The following SNTG1 variants were observed in gnomAD, a reference collection of about 807,000 sequenced individuals.
SNTG1 encodes the protein syntrophin gamma 1, also known as gamma-1-syntrophin.
Under a neutral mutation model 74.7 loss-of-function variants are expected in SNTG1, and 39 were observed. The observed-to-expected ratio is 0.52, with a 90% CI of 0.40 to 0.68. The LOEUF is 0.68. Among genes scored for constraint, SNTG1 ranks in the 30% least tolerant of loss-of-function variants. The probability of loss-of-function intolerance (pLI) is 0.00; values close to 1 mark genes in which losing one functional copy is unlikely to be tolerated. For missense variants in SNTG1, 685 were observed against 609.5 expected, an observed-to-expected ratio of 1.12 and a Z score of -1.30; for synonymous variants, 254 against 217.1, an observed-to-expected ratio of 1.17 and a Z score of -1.49.
chr8:50,252,460 T>G (rs944249152), intron 2 of SNTG1, among the ~76,000 whole-genome samples: 1 of 152,026 alleles, frequency 6.6e-6, no homozygotes, highest in African/African-American at 2.4e-5. Flanking sequence ...AAACTCTTGG[T>G]TAGATTAACT....
chr8:50,396,542 A>T (rs1005304217), intron 3 of SNTG1, among the ~76,000 whole-genome samples: 3 of 152,238 alleles, frequency 2.0e-5, no homozygotes, highest in African/African-American at 7.2e-5. Flanking sequence ...CACTACTGCT[A>T]CAATGCAGTA....
At chr8:50,650,836 G>A (rs866086945) in intron 13 of SNTG1, among the ~76,000 whole-genome samples, 1 of 152,018 alleles carries the variant, frequency 6.6e-6, no homozygotes, top group African/African-American at 2.4e-5. Flanking sequence ...GAGCAGCTGG[G>A]ATTACAAGCA....
intron 1 of SNTG1, among the ~76,000 whole-genome samples, chr8:49,925,470 C>T (rs1451395768): frequency 1.3e-5 from 2 of 152,136 alleles, no homozygotes; most frequent in Admixed American, 1.3e-4. Context: ...GTCTGTCTGT[C>T]TGTCGCTGTG....
chr8:50,423,663 C>G (rs1438710281), intron 4 of SNTG1, among the ~76,000 whole-genome samples: 1 of 152,110 alleles, frequency 6.6e-6, no homozygotes, highest in African/African-American at 2.4e-5. Context: ...AGAAGGGTAG[C>G]TTTCAAATAA....
chr8:49,918,705 G>A (rs1441725522), intron 1 of SNTG1, among the ~76,000 whole-genome samples: 2 of 151,976 alleles, frequency 1.3e-5, no homozygotes, highest in African/African-American at 4.8e-5. Flanking sequence ...TTTGATATAT[G>A]GCAATTTTTT....
chr8:50,285,926 G>A (rs1295794093), intron 2 of SNTG1, among the ~76,000 whole-genome samples: 1 of 150,082 alleles, frequency 6.7e-6, no homozygotes, highest in Non-Finnish European at 1.5e-5. Flanking sequence ...AAGTAAATTT[G>A]TTTCATCAAT....
At chr8:50,056,239 T>G (rs1311263087) in intron 1 of SNTG1, among the ~76,000 whole-genome samples, 1 of 152,074 alleles carries the variant, frequency 6.6e-6, no homozygotes, top group African/African-American at 2.4e-5. Context: ...AGACAATATG[T>G]CCTACTATGT....
At chr8:50,776,395 T>TATATACCTA (rs2131807981) in intron 18 of SNTG1, among the ~76,000 whole-genome samples, 1 of 147,354 alleles carries the variant, frequency 6.8e-6, no homozygotes, top group Admixed American at 6.8e-5. Flanking sequence ...ATATTTTACA[T>TATATACCTA]TTTATAATAT....
intron 1 of SNTG1, among the ~76,000 whole-genome samples, chr8:49,947,624 C>T (rs376158244): frequency 8.5e-5 from 13 of 152,272 alleles, no homozygotes; most frequent in African/African-American, 3.1e-4. Context: ...CAAGGAGTGA[C>T]AATTGGTAAC....
At chr8:50,366,659 G>A (rs1173367531) in intron 2 of SNTG1, among the ~76,000 whole-genome samples, 1 of 146,036 alleles carries the variant, frequency 6.8e-6, no homozygotes, top group Admixed American at 6.9e-5. Context: ...ATATTATTTT[G>A]TAATAATATA....
chr8:49,958,130 G>A (rs1244474325), intron 1 of SNTG1, among the ~76,000 whole-genome samples: 1 of 152,076 alleles, frequency 6.6e-6, no homozygotes, highest in African/African-American at 2.4e-5. Flanking sequence ...ATGAAGGTAG[G>A]TGAGAGAGAA....
At chr8:50,514,341 T>A (rs1187436350) in intron 9 of SNTG1, among the ~76,000 whole-genome samples, 4 of 152,182 alleles carry the variant, frequency 2.6e-5, no homozygotes, top group Non-Finnish European at 5.9e-5. Context: ...ACATAATGCT[T>A]TAAAATACAT....
intron 1 of SNTG1, among the ~76,000 whole-genome samples, chr8:50,030,782 C>T (rs1202162581): frequency 6.6e-6 from 1 of 151,758 alleles, no homozygotes; most frequent in Non-Finnish European, 1.5e-5. Flanking sequence ...TGTTTTCTTC[C>T]ACCTTATTCT....
At chr8:50,076,317 C>T (rs1253259845) in intron 1 of SNTG1, among the ~76,000 whole-genome samples, 1 of 152,040 alleles carries the variant, frequency 6.6e-6, no homozygotes, top group Non-Finnish European at 1.5e-5. Context: ...AACCTGAATT[C>T]TTTTGTGAGT....
chr8:50,075,325 G>C (rs573727028), intron 1 of SNTG1, among the ~76,000 whole-genome samples: 1 of 152,160 alleles, frequency 6.6e-6, no homozygotes, highest in African/African-American at 2.4e-5. Context: ...CTCCTGAGTC[G>C]GGAGGAGACT....
At chr8:50,199,105 C>T (rs892823439) in intron 2 of SNTG1, among the ~76,000 whole-genome samples, 5 of 151,446 alleles carry the variant, frequency 3.3e-5, no homozygotes, top group African/African-American at 1.2e-4. Flanking sequence ...ATAGTTTCTT[C>T]TATTCTGTAA....
intron 1 of SNTG1, among the ~76,000 whole-genome samples, chr8:50,071,034 C>T (rs951950429): frequency 1.3e-5 from 2 of 152,088 alleles, no homozygotes; most frequent in Non-Finnish European, 2.9e-5. Flanking sequence ...GGAAACTATC[C>T]GTGTTCTAAG....
intron 2 of SNTG1, among the ~76,000 whole-genome samples, chr8:50,247,386 TA>T (rs1238905655): frequency 1.3e-5 from 2 of 152,118 alleles, no homozygotes; most frequent in African/African-American, 4.8e-5. Flanking sequence ...ATTGCTTTGA[TA>T]GGGGCCATTT....
intron 12 of SNTG1, among the ~76,000 whole-genome samples, chr8:50,553,669 C>A (rs2130613452): frequency 6.6e-6 from 1 of 152,250 alleles, no homozygotes; most frequent in Non-Finnish European, 1.5e-5. Context: ...GGCTTCTCTG[C>A]ATTTTCTCTC....
Sources: gnomAD v4.1 joint callset for allele counts (sites outside exome capture counted in the v4.1 genomes callset) on GRCh38, gnomAD v4.1.1 for gene constraint, MANE v1.5 for transcripts, NCBI Gene and HGNC (gene_info 2026-07-23, HGNC 2026-07-21) for gene names.